The following COPS4 variants were observed in gnomAD, a reference collection of about 807,000 sequenced individuals.
COPS4 encodes the protein COP9 signalosome subunit 4.
In COPS4, 8 loss-of-function variants were observed where a neutral mutation model predicts 55.1. The ratio of observed to expected loss-of-function variants is 0.15; its 90% CI spans 0.09 to 0.26. COPS4 has a LOEUF of 0.26. COPS4 is among the 10% of genes least tolerant of loss of function. The pLI, the probability that COPS4 is intolerant of heterozygous loss-of-function variation, is 1.00. For missense variants in COPS4, 248 were observed against 484.0 expected (o/e 0.51, Z 4.58); for synonymous variants, 185 against 165.7 (o/e 1.12, Z -0.90).
intron 4 of COPS4, among the ~76,000 whole-genome samples, chr4:83,052,967 G>A (rs1730922266): frequency 6.6e-6 from 1 of 152,214 alleles, no homozygotes; most frequent in Non-Finnish European, 1.5e-5. Context: ...AGGTTGAGGA[G>A]AGACAATAAT....
At chr4:83,052,862 C>T (rs970222446) in intron 4 of COPS4, among the ~76,000 whole-genome samples, 1 of 152,168 alleles carries the variant, frequency 6.6e-6, no homozygotes, top group African/African-American at 2.4e-5. Flanking sequence ...GCTGGGATTA[C>T]AGGTGTGAGC....
intron 1 of COPS4, among the ~76,000 whole-genome samples, chr4:83,041,441 C>T (rs2126127628): frequency 6.6e-6 from 1 of 152,152 alleles, no homozygotes. Flanking sequence ...ATACTGAGTA[C>T]TCATATAAAA....
Position 83,049,299 on chromosome 4 carries a change from C to T in COPS4, c.288C>T (p.Val96=), listed in dbSNP as rs1459484051. Reference sequence around the variant, plus strand: ...CCTTGGAAAAGATCCAGCCTAGAGTCATTTCATTTGAGGAGCAGGTAAAAA... The same window carrying T: ...CCTTGGAAAAGATCCAGCCTAGAGTTATTTCATTTGAGGAGCAGGTAAAAA... ...HFTLEKIQPR[V]ISFEEQVASI... is the part of the protein sequence containing the mutation. Residue 96 remains valine, a synonymous_variant, in exon 3 of 10, where the codon GTC becomes GTT. Coordinates refer to ENST00000264389, the MANE Select transcript of COPS4 (RefSeq NM_016129.3). 4 of 1,589,344 alleles carry T rather than the reference C, an allele frequency of 2.5e-6. No homozygotes were observed.
At chr4:83,069,320 T>C (rs1231703517) in intron 9 of COPS4, among the ~76,000 whole-genome samples, 1 of 152,216 alleles carries the variant, frequency 6.6e-6, no homozygotes, top group East Asian at 1.9e-4. Flanking sequence ...ATAACCTTTT[T>C]CTTGTTTCTC....
chr4:83,048,071 C>G (rs1578707442), intron 2 of COPS4, among the ~76,000 whole-genome samples: 1 of 151,800 alleles, frequency 6.6e-6, no homozygotes, highest in African/African-American at 2.4e-5. Flanking sequence ...AAGAATGATG[C>G]ATTTAAAATG....
At chr4:83,048,761 C>T (rs1403236625) in intron 2 of COPS4, among the ~76,000 whole-genome samples, 1 of 152,106 alleles carries the variant, frequency 6.6e-6, no homozygotes, top group Non-Finnish European at 1.5e-5. Flanking sequence ...CTTGCCTTAG[C>T]CTCCTGAGTA....
intron 7 of COPS4, among the ~76,000 whole-genome samples, chr4:83,065,485 A>G (rs1306128006): frequency 6.6e-6 from 1 of 152,190 alleles, no homozygotes; most frequent in Non-Finnish European, 1.5e-5. Flanking sequence ...GAGGCATTGT[A>G]AGAAAAAGAG....
chr4:83,050,097 T>C (rs1730852886), intron 4 of COPS4, 113 bp downstream of exon 4: 2 of 642,592 alleles, frequency 3.1e-6, no homozygotes, highest in Non-Finnish European at 5.2e-6. Context: ...AATACAAAAT[T>C]GTGTAGTATG....
chr4:83,067,456 C>A (rs1156642331), intron 8 of COPS4, among the ~76,000 whole-genome samples: 2 of 150,958 alleles, frequency 1.3e-5, no homozygotes, highest in Non-Finnish European at 2.9e-5. Context: ...AAATTCCTGA[C>A]CTTATGATCC....
intron 7 of COPS4, chr4:83,065,220 G>T: frequency 2.2e-6 from 1 of 444,690 alleles, no homozygotes. Context: ...AAAATTACTG[G>T]ATTGGATATT....
rs144739986 is a variant in COPS4 at position 83,068,142 on chromosome 4, A to G, written c.1003-296A>G. Among the ~76,000 whole-genome samples, 458 of 152,312 alleles carry G rather than the reference A, an allele frequency of 3.0e-3. 3 individuals are homozygous for G. The highest frequency in any genetic ancestry group is 0.011 in the African/African-American group (443 of 41,576). On this transcript the variant is annotated intron_variant, in intron 8 of 9. Coordinates refer to ENST00000264389, the MANE Select transcript of COPS4 (RefSeq NM_016129.3). ...TTGTTTGGGTTTTTTTGAGGTATGG[A>G]TCCTAGTAAGAAGAAAAATTGATAG...
At chr4:83,064,902 C>CTTTTTTTTTTTTTTTTT (rs1180470999) in intron 7 of COPS4, among the ~76,000 whole-genome samples, 4 of 75,176 alleles carry the variant, frequency 5.3e-5, no homozygotes, top group African/African-American at 1.1e-4. Context: ...TTTTTTTTTA[C>CTTTTTTTTTTTTTTTTT]TTTTTGAGAC....
chr4:83,046,381 T>C (rs973612710), intron 2 of COPS4, among the ~76,000 whole-genome samples: 1 of 152,182 alleles, frequency 6.6e-6, no homozygotes, highest in African/African-American at 2.4e-5. Flanking sequence ...TTGGAGATTA[T>C]TCAAAGAATT....
intron 2 of COPS4, 23 bp from the exon 3 acceptor site, chr4:83,049,143 T>C (rs912967905): frequency 8.3e-6 from 13 of 1,566,272 alleles, no homozygotes; most frequent in Admixed American, 4.1e-5. Context: ...TGTTTTCTTA[T>C]CTTTTTTTTT....
chr4:83,067,945 G>A (rs764974794), intron 8 of COPS4, among the ~76,000 whole-genome samples: 1 of 152,182 alleles, frequency 6.6e-6, no homozygotes, highest in African/African-American at 2.4e-5. Flanking sequence ...CTTATGCACA[G>A]TAAACATTAA....
intron 1 of COPS4, among the ~76,000 whole-genome samples, chr4:83,038,933 G>T (rs1472318985): frequency 6.6e-6 from 1 of 152,090 alleles, no homozygotes; most frequent in Non-Finnish European, 1.5e-5. Flanking sequence ...GTGAGCCACC[G>T]CGCCTGGCCA....
chr4:83,069,588 C>G (rs1053933120), intron 9 of COPS4, among the ~76,000 whole-genome samples: 4 of 152,130 alleles, frequency 2.6e-5, no homozygotes, highest in African/African-American at 9.7e-5. Flanking sequence ...TTTGGTTTTT[C>G]TTAAATCTCT....
chr4:83,037,942 C>G (rs574025211), intron 1 of COPS4, among the ~76,000 whole-genome samples: 1 of 152,216 alleles, frequency 6.6e-6, no homozygotes, highest in African/African-American at 2.4e-5. Context: ...TTGTTAAAAA[C>G]TCAGTTAGAA....
At chr4:83,058,252 C>T (rs947155896) in intron 6 of COPS4, among the ~76,000 whole-genome samples, 1 of 152,162 alleles carries the variant, frequency 6.6e-6, no homozygotes, top group East Asian at 1.9e-4. Context: ...TTAAATTGCT[C>T]TATCACCCAG....
Sources: allele counts gnomAD v4.1 joint callset (sites outside exome capture counted in the v4.1 genomes callset), GRCh38; gene constraint gnomAD v4.1.1; transcripts MANE v1.5; gene names NCBI Gene and HGNC (gene_info 2026-07-23, HGNC 2026-07-21).